The following NCALD variants were observed in gnomAD, a reference collection of about 807,000 sequenced individuals.
NCALD encodes the protein neurocalcin-delta.
NCALD carries 10 observed loss-of-function variants against 18.6 expected under a neutral mutation model. That is an observed-to-expected ratio of 0.54 (90% CI 0.33 to 0.91). The LOEUF (loss-of-function observed/expected upper bound fraction) is 0.91. Ranked by LOEUF, NCALD falls within the 40% of genes least tolerant of loss-of-function variation. The pLI is 0.03. For synonymous variants in NCALD, 88 were observed against 87.4 expected, an observed-to-expected ratio of 1.01 and a Z score of -0.04; for missense variants, 184 against 247.6, an observed-to-expected ratio of 0.74 and a Z score of 1.72.
At chr8:101,691,008 T>C in intron 3 of NCALD, 10 of 985,362 alleles carry the variant, frequency 1.0e-5, no homozygotes, top group Non-Finnish European at 1.2e-5. Flanking sequence ...AGGGCCCAGA[T>C]TTTTCTTTTC....
intron 1 of NCALD, among the ~76,000 whole-genome samples, chr8:101,775,317 C>A (rs991692819): frequency 1.3e-5 from 2 of 152,130 alleles, no homozygotes; most frequent in Non-Finnish European, 2.9e-5. Context: ...ATGTGCCAAC[C>A]GCACATGTGC....
At chr8:102,028,525 C>A (rs145951316) in intron 1 of NCALD, among the ~76,000 whole-genome samples, 2 of 152,186 alleles carry the variant, frequency 1.3e-5, no homozygotes, top group African/African-American at 2.4e-5. Context: ...TTTATCAAAC[C>A]CTTGGGGAAC....
At chr8:101,942,688 T>A (rs1735148279) in intron 2 of NCALD, among the ~76,000 whole-genome samples, 2 of 152,222 alleles carry the variant, frequency 1.3e-5, no homozygotes, top group Admixed American at 1.3e-4. Context: ...TTCATTAACT[T>A]ATTTAATTCT....
chr8:101,981,819 A>G (rs1206538357), intron 2 of NCALD, among the ~76,000 whole-genome samples: 1 of 152,134 alleles, frequency 6.6e-6, no homozygotes, highest in Non-Finnish European at 1.5e-5. Context: ...TCACGTCCTT[A>G]TTTTGGGAGA....
chr8:101,697,107 G>A (rs908793419), intron 2 of NCALD, among the ~76,000 whole-genome samples: 4 of 151,652 alleles, frequency 2.6e-5, no homozygotes, highest in Admixed American at 6.6e-5. Flanking sequence ...AAATGATAAA[G>A]GGTATATCAC....
intron 3 of NCALD, among the ~76,000 whole-genome samples, chr8:101,912,086 TAATTC>T (rs1366653937): frequency 3.3e-5 from 5 of 152,220 alleles, no homozygotes; most frequent in Non-Finnish European, 7.3e-5. Flanking sequence ...AGTATTTTTG[TAATTC>T]ATATTTTATA....
At chr8:101,693,007 G>T (rs896832769) in intron 2 of NCALD, 111 bp from the exon 3 acceptor site, 6 of 734,666 alleles carry the variant, frequency 8.2e-6, no homozygotes, top group African/African-American at 3.5e-5. Context: ...ATCCGCATTG[G>T]ACCTAGTCCT....
intron 1 of NCALD, among the ~76,000 whole-genome samples, chr8:102,078,859 T>G (rs1462901495): frequency 6.6e-6 from 1 of 152,232 alleles, no homozygotes; most frequent in Non-Finnish European, 1.5e-5. Context: ...TTTATCTGAT[T>G]ATTGCCTGAA....
intron 2 of NCALD, among the ~76,000 whole-genome samples, chr8:102,009,740 T>A (rs1288773113): frequency 6.6e-6 from 1 of 152,242 alleles, no homozygotes; most frequent in Non-Finnish European, 1.5e-5. Flanking sequence ...TTTACCGTCT[T>A]TCTGTCTGGA....
intron 1 of NCALD, among the ~76,000 whole-genome samples, chr8:101,746,545 C>T (rs1810431923): frequency 6.6e-6 from 1 of 152,150 alleles, no homozygotes; most frequent in South Asian, 2.1e-4. Flanking sequence ...AGCTTCATAG[C>T]TGCTCATATT....
intron 2 of NCALD, among the ~76,000 whole-genome samples, chr8:102,003,207 G>A (rs760565561): frequency 1.3e-5 from 2 of 152,094 alleles, no homozygotes; most frequent in Non-Finnish European, 2.9e-5. Flanking sequence ...TATCACCACC[G>A]ATCCCACAGA....
At chr8:101,893,749 C>G (rs199796031) in intron 3 of NCALD, among the ~76,000 whole-genome samples, 16 of 135,088 alleles carry the variant, frequency 1.2e-4, no homozygotes, top group Admixed American at 3.7e-4. Flanking sequence ...AACCAACAAA[C>G]ATCAAAAGAG....
chr8:102,101,386 C>G (rs1458662408), intron 1 of NCALD, among the ~76,000 whole-genome samples: 2 of 152,220 alleles, frequency 1.3e-5, no homozygotes, highest in African/African-American at 4.8e-5. Flanking sequence ...TAAAGGGTGT[C>G]TGCAGGCCTC....
chr8:101,963,614 C>G (rs893784510), intron 2 of NCALD, among the ~76,000 whole-genome samples: 1 of 152,152 alleles, frequency 6.6e-6, no homozygotes, highest in Non-Finnish European at 1.5e-5. Flanking sequence ...TCTACCTTTT[C>G]CTGAAACTTG....
intron 4 of NCALD, among the ~76,000 whole-genome samples, chr8:101,804,315 A>G (rs1812980491): frequency 9.3e-6 from 1 of 106,956 alleles, no homozygotes; most frequent in Non-Finnish European, 2.1e-5. Context: ...TATATCAATT[A>G]TATATTATAT....
At position 101,779,493 on chromosome 8, in the gene NCALD, T is replaced by C. The variant is rs894065026; in HGVS notation, c.-20+11369A>G. Among the ~76,000 whole-genome samples the C allele has an allele frequency of 5.9e-5, 9 of 152,134 alleles. No individual in the cohort carries two copies. In the South Asian group the frequency reaches 1.9e-3, roughly 31 times the overall value. The stretch of plus-strand genomic sequence containing the variant: ...ACATAAAGGGCAATTATGGCCCAAA[T>C]ATAGCAAACTAAAATGTAGTATGTG... On this transcript the variant is annotated intron_variant, in intron 1 of 3. Transcript: ENST00000220931.
intron 3 of NCALD, among the ~76,000 whole-genome samples, chr8:101,909,322 T>G (rs16868707): frequency 2.0e-5 from 3 of 152,166 alleles, no homozygotes; most frequent in African/African-American, 7.2e-5. Flanking sequence ...CTTCCAAGAA[T>G]TGATCAAAGG....
intron 4 of NCALD, among the ~76,000 whole-genome samples, chr8:101,873,331 G>A (rs1386648918): frequency 4.6e-5 from 7 of 152,210 alleles, no homozygotes; most frequent in Admixed American, 2.0e-4. Context: ...CACTCAAGGC[G>A]GTGAAAGCTC....
intron 2 of NCALD, among the ~76,000 whole-genome samples, chr8:101,954,939 G>A (rs986492202): frequency 1.3e-4 from 20 of 152,062 alleles, no homozygotes; most frequent in Non-Finnish European, 2.6e-4. Context: ...TCCTCTCTGA[G>A]CCTCAGTTAT....
Sources: gnomAD v4.1 joint callset for allele counts (sites outside exome capture counted in the v4.1 genomes callset) on GRCh38, gnomAD v4.1.1 for gene constraint, MANE v1.5 for transcripts, NCBI Gene and HGNC (gene_info 2026-07-23, HGNC 2026-07-21) for gene names.